ACOT1: variants seen among roughly 807,000 people sequenced by gnomAD.
ACOT1 encodes acyl-CoA thioesterase 1, also known as acyl-coenzyme A thioesterase 1.
Under a neutral mutation model 15.7 loss-of-function variants are expected in ACOT1, and 8 were observed. The observed-to-expected ratio is 0.51, with a 90% CI of 0.30 to 0.92. ACOT1 has a LOEUF of 0.92. Ranked by LOEUF, ACOT1 falls within the 40% of genes least tolerant of loss-of-function variation. ACOT1 has a pLI of 0.06. For synonymous variants in ACOT1, 67 were observed against 241.2 expected (o/e 0.28, Z 6.69); for missense variants, 151 against 539.4 (o/e 0.28, Z 7.13).
At chr14:73,519,374 A>C in the ACOT1 span, among the ~76,000 whole-genome samples, 1 of 152,112 alleles carries the variant, frequency 6.6e-6, no homozygotes, top group Admixed American at 6.5e-5. Flanking sequence ...GTGGGGGAAA[A>C]AAAAAAGAAA....
At chr14:73,501,628 C>T in the ACOT1 span, among the ~76,000 whole-genome samples, 24 of 143,854 alleles carry the variant, frequency 1.7e-4, no homozygotes, top group South Asian at 5.0e-3. Flanking sequence ...GGCTGGAATG[C>T]AGTGGCATGA....
At chr14:73,514,280 G>T in the ACOT1 span, 1 of 1,561,072 alleles carries the variant, frequency 6.4e-7, no homozygotes, top group Non-Finnish European at 8.8e-7. Flanking sequence ...ACTGCCTTAG[G>T]CCCTGCCACA....
the ACOT1 span, among the ~76,000 whole-genome samples, chr14:73,511,219 A>G: frequency 6.6e-6 from 1 of 152,086 alleles, no homozygotes; most frequent in Non-Finnish European, 1.5e-5. Flanking sequence ...CGTGAATCAT[A>G]TTTTAAGATT....
At chr14:73,506,804 G>GTTTTTTTTTTTTTTTGT in the ACOT1 span, among the ~76,000 whole-genome samples, 3 of 80,518 alleles carry the variant, frequency 3.7e-5, no homozygotes, top group South Asian at 3.8e-4. Context: ...GACTTTAACT[G>GTTTTTTTTTTTTTTTGT]TTTTTTTTTT....
At chr14:73,508,175 C>T in the ACOT1 span, 2 of 1,613,934 alleles carry the variant, frequency 1.2e-6, no homozygotes, top group African/African-American at 2.7e-5. Context: ...TAAGACTGTT[C>T]CTCAGTGTCC....
chr14:73,504,388 G>A, the ACOT1 span, among the ~76,000 whole-genome samples: 1 of 152,038 alleles, frequency 6.6e-6, no homozygotes, highest in Admixed American at 6.6e-5. Context: ...GACTACAGGT[G>A]CCTGCCACCA....
the ACOT1 span, chr14:73,530,444 A>AGT: frequency 7.7e-6 from 1 of 129,904 alleles, no homozygotes; most frequent in Non-Finnish European, 1.7e-5. Flanking sequence ...TAGTGGGGAG[A>AGT]GTGGGATTAG....
At chr14:73,492,002 C>T in the ACOT1 span, 12 of 1,614,010 alleles carry the variant, frequency 7.4e-6, no homozygotes, top group Non-Finnish European at 1.0e-5. This position sits in a 1 kb window ranked among gnomAD's most constrained non-coding sequence, Gnocchi z 4.9. Context: ...CAACGTTTAC[C>T]TCACGCCCCC....
the ACOT1 span, chr14:73,500,433 GT>G: frequency 1.7e-6 from 2 of 1,148,460 alleles, no homozygotes; most frequent in Non-Finnish European, 2.5e-6. Flanking sequence ...CCCCTTCCCA[GT>G]TCCAATCTCT....
chr14:73,498,298 C>T, the ACOT1 span: 1 of 1,612,584 alleles, frequency 6.2e-7, no homozygotes, highest in Non-Finnish European at 8.5e-7. Flanking sequence ...TAGCCCAGAG[C>T]AGAAGATCCG....
chr14:73,518,256 C>G, the ACOT1 span, among the ~76,000 whole-genome samples: 4 of 151,906 alleles, frequency 2.6e-5, no homozygotes, highest in Non-Finnish European at 1.5e-5. Context: ...GCAACCCTGT[C>G]AGCCAGGTGT....
At chr14:73,498,432 C>A in the ACOT1 span, 2 of 1,189,324 alleles carry the variant, frequency 1.7e-6, no homozygotes, top group Non-Finnish European at 2.3e-6. Flanking sequence ...GCAAACAATA[C>A]CTTCCCTTTT....
chr14:73,521,087 G>A, the ACOT1 span: 1 of 1,503,494 alleles, frequency 6.7e-7, no homozygotes, highest in Non-Finnish European at 9.2e-7. Flanking sequence ...AGTAGGAGGT[G>A]GATCCCCCTT....
upstream of ACOT1, among the ~76,000 whole-genome samples, chr14:73,534,652 G>A (rs1409786166): frequency 3.5e-5 from 4 of 113,680 alleles, 1 homozygote; most frequent in Non-Finnish European, 7.6e-5. Flanking sequence ...TCGCACCACT[G>A]CACTCCAGCC....
chr14:73,500,004 C>T, the ACOT1 span, among the ~76,000 whole-genome samples: 2 of 152,132 alleles, frequency 1.3e-5, no homozygotes, highest in Non-Finnish European at 2.9e-5. Context: ...CCGAGGCGGG[C>T]GGATCACGAA....
chr14:73,498,614 G>A, the ACOT1 span, among the ~76,000 whole-genome samples: 1 of 152,208 alleles, frequency 6.6e-6, no homozygotes, highest in African/African-American at 2.4e-5. Flanking sequence ...CCAGCAGGGT[G>A]ATGGGGAAAG....
the ACOT1 span, chr14:73,491,074 G>GCGCAAGCC: frequency 6.3e-7 from 1 of 1,597,008 alleles, no homozygotes; most frequent in Non-Finnish European, 8.5e-7. Context: ...CGAAGCGCCG[G>GCGCAAGCC]CGCAAGCCCC....
chr14:73,490,983 G>GC, the ACOT1 span: 2 of 1,326,020 alleles, frequency 1.5e-6, no homozygotes, highest in Non-Finnish European at 1.9e-6. Flanking sequence ...TTCGCCCCCG[G>GC]CCGGCCGGGC....
chr14:73,508,124 G>A, the ACOT1 span: 1 of 1,612,832 alleles, frequency 6.2e-7, no homozygotes, highest in Non-Finnish European at 8.5e-7. Context: ...ACCCGGTAAT[G>A]GACACATACT....
Sources: allele counts gnomAD v4.1 joint callset (sites outside exome capture counted in the v4.1 genomes callset), GRCh38; gene constraint gnomAD v4.1.1; non-coding constraint Gnocchi (gnomAD v3.1); transcripts MANE v1.5; gene names NCBI Gene and HGNC (gene_info 2026-07-23, HGNC 2026-07-21).